The following PABIR3 variants were observed in gnomAD, a reference collection of about 807,000 sequenced individuals.
PABIR3 encodes PABIR family member 1.
In PABIR3, 20 loss-of-function variants were observed where a neutral mutation model predicts 23.1. That is an observed-to-expected ratio of 0.86 (90% CI 0.61 to 1.26). The LOEUF (loss-of-function observed/expected upper bound fraction) is 1.26, where lower values mean the gene tolerates loss of function less well. Among genes scored for constraint, PABIR3 ranks in the 50% most tolerant of loss-of-function variants. PABIR3 has a pLI of 0.00. For synonymous variants in PABIR3, 69 were observed against 68.5 expected (o/e 1.01, Z -0.04); for missense variants, 189 against 195.4 (o/e 0.97, Z 0.20).
At chrX:134,806,445 C>A (rs901404388), upstream of PABIR3, among the ~76,000 whole-genome samples, 19 of 110,143 alleles carry the variant, frequency 1.7e-4, no homozygotes, top group African/African-American at 6.3e-4. Flanking sequence ...GGTGAAACCC[C>A]GTCTCTACTA....
At chrX:134,818,197 C>T (rs1361639515) in intron 3 of PABIR3, among the ~76,000 whole-genome samples, 1 of 111,404 alleles carries the variant, frequency 9.0e-6, no homozygotes, top group Non-Finnish European at 1.9e-5. Context: ...TTCTCTTGGA[C>T]CTGTAAACTA....
upstream of PABIR3, among the ~76,000 whole-genome samples, chrX:134,806,382 G>A (rs1022406828): frequency 1.8e-5 from 2 of 111,218 alleles, no homozygotes; most frequent in Admixed American, 9.6e-5. Context: ...TTGGGAGGAC[G>A]AGGCGGGCGG....
chrX:134,814,714 A>G, intron 2 of PABIR3, 57 bp from the exon 3 acceptor site: 4 of 999,586 alleles, frequency 4.0e-6, no homozygotes, highest in South Asian at 4.6e-5. Flanking sequence ...AAAAAAAAAA[A>G]AAAAAAGAAT....
intron 10 of PABIR3, among the ~76,000 whole-genome samples, chrX:134,853,224 C>T (rs1008594677): frequency 3.6e-5 from 4 of 110,383 alleles, no homozygotes; most frequent in Non-Finnish European, 5.7e-5. Context: ...TGCACCACCG[C>T]GCCTGGCTAA....
chrX:134,861,495 G>T, the PABIR3 span, among the ~76,000 whole-genome samples: 1 of 105,573 alleles, frequency 9.5e-6, no homozygotes, highest in Non-Finnish European at 1.9e-5. Flanking sequence ...AAAAGTAAAG[G>T]TTTGCTCTCT....
intron 1 of PABIR3, among the ~76,000 whole-genome samples, chrX:134,800,182 T>C (rs924414491): frequency 9.4e-6 from 1 of 106,862 alleles, no homozygotes; most frequent in African/African-American, 3.4e-5. Context: ...GTGCTTGTAG[T>C]CCCAGCTACT....
intron 2 of PABIR3, chrX:134,809,527 T>C: frequency 1.3e-6 from 1 of 750,538 alleles, no homozygotes; most frequent in Non-Finnish European, 1.6e-6. Flanking sequence ...TTCAGTATTA[T>C]AAGGTTTTCT....
the PABIR3 span, among the ~76,000 whole-genome samples, chrX:134,862,540 T>TA: frequency 8.9e-6 from 1 of 112,296 alleles, no homozygotes; most frequent in Admixed American, 9.5e-5. Context: ...GCCAAAAACT[T>TA]ACAGTTTCTA....
chrX:134,858,650 G>C (rs755451664), downstream of PABIR3, among the ~76,000 whole-genome samples: 1 of 111,537 alleles, frequency 9.0e-6, no homozygotes, highest in Non-Finnish European at 1.9e-5. Context: ...CTTCACTGTT[G>C]GATAGTTACA....
downstream of PABIR3, among the ~76,000 whole-genome samples, chrX:134,858,562 A>C (rs1890933032): frequency 1.8e-5 from 2 of 111,986 alleles, no homozygotes; most frequent in African/African-American, 6.5e-5. Flanking sequence ...GGGGAAAACT[A>C]ATTACAATTT....
the PABIR3 span, among the ~76,000 whole-genome samples, chrX:134,862,661 A>G: frequency 0.13 from 14,365 of 111,560 alleles, 1,251 homozygotes; most frequent in African/African-American, 0.32. Flanking sequence ...TCAAGAAACA[A>G]TAGAAGTTAA....
At chrX:134,844,722 A>G (rs2082376869) in intron 4 of PABIR3, among the ~76,000 whole-genome samples, 1 of 111,510 alleles carries the variant, frequency 9.0e-6, no homozygotes, top group Non-Finnish European at 1.9e-5. Context: ...TCTGATGTCA[A>G]TGACTAGATT....
At chrX:134,822,654 T>C in intron 3 of PABIR3, 1 of 747,887 alleles carries the variant, frequency 1.3e-6, no homozygotes, top group Non-Finnish European at 1.6e-6. Context: ...AGGGAAGTCT[T>C]TCATCATTAT....
rs747317118 is a variant in PABIR3, at chrX:134,853,945, G to T, written c.687-146G>T. ...GGATTTCTATTTATTGTTACTGGTG[G>T]TTTCATTGTATGACTCTTAAAAAAC... is the stretch of plus-strand genomic sequence containing the variant. On this transcript the variant is annotated intron_variant, in intron 10 of 10. Transcript: ENST00000645433. The T allele has an allele frequency of 5.4e-6, 3 of 557,302 alleles. No individual in the cohort carries two copies. The South Asian group carries it at 1.1e-4, about 20-fold the overall frequency. 45.9% of individuals were successfully genotyped at this position (557,302 alleles called of 1,213,427 possible).
upstream of PABIR3, among the ~76,000 whole-genome samples, chrX:134,803,181 G>A (rs887838737): frequency 1.4e-4 from 16 of 112,257 alleles, no homozygotes; most frequent in African/African-American, 4.9e-4. Flanking sequence ...CACTGCAGAG[G>A]AGGAGCTGTC....
upstream of PABIR3, among the ~76,000 whole-genome samples, chrX:134,803,906 T>TG (rs1491413033): frequency 1.2e-5 from 1 of 84,348 alleles, no homozygotes; most frequent in Non-Finnish European, 2.1e-5. Context: ...TGCCTGCTAG[T>TG]TTTTTTTTTT....
chrX:134,842,626 A>G (rs777589681), intron 4 of PABIR3, among the ~76,000 whole-genome samples: 2 of 109,402 alleles, frequency 1.8e-5, no homozygotes, highest in Non-Finnish European at 1.9e-5. Context: ...GTCCGGGCAC[A>G]GTGGCTCACG....
chrX:134,816,685 C>A (rs2148166792), intron 3 of PABIR3, among the ~76,000 whole-genome samples: 1 of 111,314 alleles, frequency 9.0e-6, no homozygotes, highest in African/African-American at 3.3e-5. Flanking sequence ...CTGGACATTT[C>A]TTTGTTGGGA....
intron 3 of PABIR3, among the ~76,000 whole-genome samples, chrX:134,823,253 T>C (rs778089649): frequency 4.3e-4 from 48 of 112,202 alleles, no homozygotes; most frequent in Middle Eastern, 4.2e-3. Context: ...AATAAAAAAT[T>C]AAAAAATAGA....
Sources: gnomAD v4.1 joint callset for allele counts (sites outside exome capture counted in the v4.1 genomes callset) on GRCh38, gnomAD v4.1.1 for gene constraint, MANE v1.5 for transcripts, NCBI Gene and HGNC (gene_info 2026-07-23, HGNC 2026-07-21) for gene names.